SNX30: variants seen among roughly 807,000 people sequenced by gnomAD.
The protein encoded by SNX30 is sorting nexin-30.
SNX30 carries 24 observed loss-of-function variants against 46.4 expected under a neutral mutation model. The ratio of observed to expected loss-of-function variants is 0.52; its 90% CI spans 0.37 to 0.73. SNX30 has a LOEUF of 0.73. Among genes scored for constraint, SNX30 ranks in the 30% least tolerant of loss-of-function variants. The pLI, the probability that SNX30 is intolerant of heterozygous loss-of-function variation, is 0.00. For missense variants in SNX30, 533 were observed against 555.7 expected, an observed-to-expected ratio of 0.96 and a Z score of 0.41; for synonymous variants, 189 against 211.5, an observed-to-expected ratio of 0.89 and a Z score of 0.92.
In SNX30 at chr9:112,872,631, TG is replaced by T. The variant is rs898374909; in HGVS notation, c.*3790del. ...GTGGTCAGGACAGGGCATACCAGTC[TG>T]GACTCCACCTTCCCAGACACCTACT... On this transcript the variant is annotated 3_prime_UTR_variant, in exon 9 of 9. Coordinates refer to ENST00000374232, the MANE Select transcript of SNX30 (RefSeq NM_001012994.2). 3 of 152,248 alleles carry T rather than the reference TG, an allele frequency of 2.0e-5. No individual in the cohort carries two copies. Among genetic ancestry groups the T allele is most frequent in the African/African-American group, 7.2e-5 (3 of 41,452 alleles). 9.4% of individuals were successfully genotyped at this position (152,248 alleles called of 1,614,324 possible). A position where few individuals can be genotyped will look rare whatever the true frequency, so the allele number is the denominator to read the frequency against.
At chr9:112,834,791 G>C (rs1022978184) in intron 4 of SNX30, among the ~76,000 whole-genome samples, 1 of 150,360 alleles carries the variant, frequency 6.7e-6, no homozygotes, top group African/African-American at 2.5e-5. Context: ...ACTGGAACAA[G>C]GTCTGTGGAG....
At chr9:112,782,100 C>G (rs929063028) in intron 1 of SNX30, among the ~76,000 whole-genome samples, 1 of 151,304 alleles carries the variant, frequency 6.6e-6, no homozygotes, top group African/African-American at 2.4e-5. Flanking sequence ...GAGTTTTGCT[C>G]TTATTGTCCA....
At chr9:112,823,735 A>G (rs1338075715) in intron 3 of SNX30, among the ~76,000 whole-genome samples, 1 of 152,150 alleles carries the variant, frequency 6.6e-6, no homozygotes, top group Non-Finnish European at 1.5e-5. Flanking sequence ...TTTTTTTAAT[A>G]TGAAATAATA....
At chr9:112,878,288 G>A (rs750743714), downstream of SNX30, 4 of 152,170 alleles carry the variant, frequency 2.6e-5, no homozygotes, top group Admixed American at 6.6e-5. Flanking sequence ...ACTGTCCTCC[G>A]TAATACTTGT....
Position 112,872,335 on chromosome 9 carries a change from TA to T in SNX30, c.*3493del, listed in dbSNP as rs535115623. The stretch of plus-strand genomic sequence containing the variant: ...TGGCAGCCCGAGGAACATCCAGAGT[TA>T]CTGTGTGACTTGGTCCTGCCATCGT... On this transcript the variant is annotated 3_prime_UTR_variant, in exon 9 of 9. Coordinates refer to ENST00000374232, the MANE Select transcript of SNX30 (RefSeq NM_001012994.2). The T allele has an allele frequency of 6.2e-3, 945 of 152,376 alleles. 6 individuals are homozygous for T. The highest frequency in any genetic ancestry group is 0.017 in the Middle Eastern group (5 of 294). 9.4% of individuals were successfully genotyped at this position (152,376 alleles called of 1,614,324 possible). A position where few individuals can be genotyped will look rare whatever the true frequency, so the allele number is the denominator to read the frequency against.
rs565033017 is a variant in SNX30 at position 112,864,377 on chromosome 9, A to G, written c.1232A>G (p.Lys411Arg). 1.3e-5 allele frequency: 21 copies of G among 1,614,228 alleles called. No homozygotes were observed. The East Asian group carries it at 2.2e-4, about 17-fold the overall frequency. Residue 411 changes from lysine (K) to arginine (R), a missense_variant, in exon 8 of 9, where the codon AAG (lysine) becomes AGG (arginine). Physicochemically the swap from Lys to Arg is conservative, Grantham distance 26 (BLOSUM62 2). Coordinates refer to ENST00000374232, the MANE Select transcript of SNX30 (RefSeq NM_001012994.2). ...FRQLLMGMAD[K>R]NIQYYEKCLM... ...CAGCTACTCATGGGGATGGCTGACA[A>G]GAACATCCAGTATTATGAGAAGGTA...
At chr9:112,780,332 A>G (rs1839825743) in intron 1 of SNX30, among the ~76,000 whole-genome samples, 1 of 152,242 alleles carries the variant, frequency 6.6e-6, no homozygotes, top group Non-Finnish European at 1.5e-5. Flanking sequence ...GAATGTATTT[A>G]ACACTAGTGA....
chr9:112,843,604 T>C (rs1302851685), intron 6 of SNX30, among the ~76,000 whole-genome samples: 1 of 144,548 alleles, frequency 6.9e-6, no homozygotes, highest in East Asian at 2.0e-4. Context: ...CAAAGAGAGG[T>C]AGGAGCCTGG....
intron 2 of SNX30, among the ~76,000 whole-genome samples, chr9:112,817,408 T>TTTTTTTTTTTTTTTG (rs1840416908): frequency 1.6e-5 from 1 of 62,338 alleles, no homozygotes. Context: ...TGGCTTTTTT[T>TTTTTTTTTTTTTTTG]TTTTTTTTTT....
intron 1 of SNX30, among the ~76,000 whole-genome samples, chr9:112,783,964 C>T (rs1839882937): frequency 6.6e-6 from 1 of 152,212 alleles, no homozygotes; most frequent in South Asian, 2.1e-4. Flanking sequence ...GACTTGCCCT[C>T]ATATCCTAAG....
At chr9:112,815,584 C>T (rs1840384272) in intron 2 of SNX30, among the ~76,000 whole-genome samples, 1 of 152,158 alleles carries the variant, frequency 6.6e-6, no homozygotes, top group Non-Finnish European at 1.5e-5. Flanking sequence ...TGATCTTGAA[C>T]TACCGACCCC....
intron 1 of SNX30, among the ~76,000 whole-genome samples, chr9:112,754,387 C>G (rs907689361): frequency 1.3e-5 from 2 of 150,362 alleles, no homozygotes; most frequent in Non-Finnish European, 3.0e-5. Flanking sequence ...TCTTTTGATG[C>G]CTGCTAAACT....
intron 2 of SNX30, among the ~76,000 whole-genome samples, chr9:112,815,161 C>G (rs1588125352): frequency 6.7e-6 from 1 of 150,030 alleles, no homozygotes; most frequent in East Asian, 1.9e-4. Flanking sequence ...GTATATAACC[C>G]GAATAAATAG....
intron 4 of SNX30, among the ~76,000 whole-genome samples, chr9:112,832,946 G>A (rs1438619303): frequency 6.6e-6 from 1 of 150,658 alleles, no homozygotes; most frequent in African/African-American, 2.4e-5. Flanking sequence ...TACAGGAGAG[G>A]TGGCTTTAAA....
chr9:112,846,852 G>A (rs142104892), intron 6 of SNX30, among the ~76,000 whole-genome samples: 19 of 152,262 alleles, frequency 1.2e-4, no homozygotes, highest in African/African-American at 4.1e-4. Context: ...GACCTTTGGC[G>A]CTGGGGCTCC....
At chr9:112,762,941 A>T (rs1267751156) in intron 1 of SNX30, among the ~76,000 whole-genome samples, 2 of 152,104 alleles carry the variant, frequency 1.3e-5, no homozygotes, top group African/African-American at 4.8e-5. Flanking sequence ...AGCTCTCTTT[A>T]CTCATTGGTT....
intron 1 of SNX30, among the ~76,000 whole-genome samples, chr9:112,786,741 C>A (rs1273948949): frequency 1.3e-5 from 2 of 151,668 alleles, no homozygotes; most frequent in African/African-American, 4.8e-5. Context: ...TGGGCTCAAG[C>A]AATCTGCCCA....
At chr9:112,862,755 G>T (rs1841258087) in intron 7 of SNX30, among the ~76,000 whole-genome samples, 2 of 151,858 alleles carry the variant, frequency 1.3e-5, no homozygotes, top group Non-Finnish European at 2.9e-5. Context: ...AGAGATGGGG[G>T]TCTTACTATG....
In SNX30 at chr9:112,855,227, T is replaced by TA. The variant is rs770658023; in HGVS notation, c.1101+4287dup. On this transcript the variant is annotated intron_variant, in intron 7 of 8. Coordinates refer to ENST00000374232, the MANE Select transcript of SNX30 (RefSeq NM_001012994.2). The stretch of plus-strand genomic sequence containing the variant: ...CTGCTGTTGATGAGATTTTTTTTTT[T>TA]AAAAAGCCAGGGAATTCGGAAGTGG... 3.9e-5 allele frequency among the ~76,000 whole-genome samples: 6 copies of TA among 151,988 alleles called. No homozygotes were observed. In the East Asian group the frequency reaches 5.8e-4, roughly 15 times the overall value.
Sources: allele counts gnomAD v4.1 joint callset (sites outside exome capture counted in the v4.1 genomes callset), GRCh38; gene constraint gnomAD v4.1.1; transcripts MANE v1.5; gene names NCBI Gene and HGNC (gene_info 2026-07-23, HGNC 2026-07-21).